LTAP1: variants seen among roughly 807,000 people sequenced by gnomAD.
LTAP1 encodes lipid transport auxiliary protein 1.
the LTAP1 span, chr1:154,214,422 T>C: frequency 2.9e-6 from 4 of 1,359,692 alleles, no homozygotes; most frequent in Non-Finnish European, 4.2e-6. Context: ...CTTGTGGGAC[T>C]CCTCACTGAA....
the LTAP1 span, chr1:154,220,539 G>A: frequency 1.1e-6 from 1 of 874,712 alleles, no homozygotes; most frequent in Non-Finnish European, 1.8e-6. Flanking sequence ...GGAAGACCAA[G>A]CCAGACCCGG....
At chr1:154,209,957 C>A in the LTAP1 span, among the ~76,000 whole-genome samples, 1 of 151,788 alleles carries the variant, frequency 6.6e-6, no homozygotes, top group Admixed American at 6.6e-5. Context: ...ATCTCCTGGG[C>A]TCAAGTAATC....
the LTAP1 span, chr1:154,207,771 T>G: frequency 2.1e-5 from 17 of 825,432 alleles, no homozygotes; most frequent in Admixed American, 8.7e-5. Context: ...CTGTCCTATT[T>G]TGTAAACTAG....
At chr1:154,209,869 C>T in the LTAP1 span, among the ~76,000 whole-genome samples, 3 of 151,888 alleles carry the variant, frequency 2.0e-5, no homozygotes, top group East Asian at 3.8e-4. Flanking sequence ...GGATTACAGG[C>T]GTGAGCCACC....
the LTAP1 span, among the ~76,000 whole-genome samples, chr1:154,211,546 A>C: frequency 0.03 from 4,535 of 150,962 alleles, 215 homozygotes; most frequent in African/African-American, 0.1. Flanking sequence ...CTTGTTGGCT[A>C]GGATGGTCTT....
chr1:154,210,965 C>G, the LTAP1 span, among the ~76,000 whole-genome samples: 1 of 152,046 alleles, frequency 6.6e-6, no homozygotes, highest in Non-Finnish European at 1.5e-5. Context: ...GACATGGTTA[C>G]TAATACTTTA....
At chr1:154,212,638 AG>A in the LTAP1 span, 1 of 1,613,452 alleles carries the variant, frequency 6.2e-7, no homozygotes, top group Non-Finnish European at 8.5e-7. Context: ...TGGAGAAAAC[AG>A]CACAATGATA....
chr1:154,212,459 CCT>C, the LTAP1 span: 10 of 1,614,122 alleles, frequency 6.2e-6, no homozygotes, highest in Non-Finnish European at 8.5e-6. Flanking sequence ...CTGGCTTACC[CCT>C]GTCCCATAGC....
the LTAP1 span, chr1:154,207,414 CT>C: frequency 3.1e-6 from 5 of 1,602,518 alleles, no homozygotes; most frequent in Non-Finnish European, 2.6e-6. Flanking sequence ...CACATTGCAA[CT>C]GACTGGCTTA....
the LTAP1 span, chr1:154,220,251 G>A: frequency 6.9e-7 from 1 of 1,455,014 alleles, no homozygotes; most frequent in Non-Finnish European, 9.7e-7. Flanking sequence ...GCAGGTGAGT[G>A]GGTGGAGAAT....
the LTAP1 span, chr1:154,220,386 G>T: frequency 6.2e-7 from 1 of 1,614,230 alleles, no homozygotes; most frequent in Non-Finnish European, 8.5e-7. Context: ...ACCCCGGAGA[G>T]CCAGTTACTG....
At chr1:154,220,161 C>CT in the LTAP1 span, 7 of 818,932 alleles carry the variant, frequency 8.5e-6, no homozygotes, top group African/African-American at 5.1e-5. Context: ...GGGTTCTAGA[C>CT]TAACGAGGGC....
At chr1:154,213,980 C>T in the LTAP1 span, 6 of 1,596,928 alleles carry the variant, frequency 3.8e-6, no homozygotes, top group South Asian at 5.5e-5. Context: ...AGGCATAACC[C>T]TAAAAATATT....
the LTAP1 span, chr1:154,207,400 C>T: frequency 1.3e-6 from 2 of 1,584,608 alleles, no homozygotes; most frequent in Non-Finnish European, 8.7e-7. Flanking sequence ...AGCAGCCTGT[C>T]TTGCACATTG....
the LTAP1 span, among the ~76,000 whole-genome samples, chr1:154,208,775 G>A: frequency 1.3e-5 from 2 of 152,162 alleles, no homozygotes; most frequent in African/African-American, 2.4e-5. Context: ...TTGAGATGGA[G>A]TCTTTTTCTC....
the LTAP1 span, chr1:154,219,704 C>T: frequency 2.8e-6 from 2 of 708,304 alleles, no homozygotes; most frequent in South Asian, 2.0e-5. Context: ...GCCTGCTCAA[C>T]TTAGTAAGTA....
At chr1:154,208,225 G>A in the LTAP1 span, among the ~76,000 whole-genome samples, 5 of 152,048 alleles carry the variant, frequency 3.3e-5, no homozygotes, top group Non-Finnish European at 7.4e-5. Flanking sequence ...GAAACAAAGT[G>A]AGACCCTATC....
At chr1:154,214,892 T>A in the LTAP1 span, among the ~76,000 whole-genome samples, 1 of 151,570 alleles carries the variant, frequency 6.6e-6, no homozygotes, top group African/African-American at 2.4e-5. Flanking sequence ...TCACCCAGGC[T>A]GGAGTGCAGT....
chr1:154,220,220 G>A, the LTAP1 span: 1 of 1,210,222 alleles, frequency 8.3e-7, no homozygotes, highest in Non-Finnish European at 1.2e-6. Context: ...CCTGGAATAA[G>A]GAGTCAAAGC....
Sources: allele counts gnomAD v4.1 joint callset (sites outside exome capture counted in the v4.1 genomes callset), GRCh38; gene constraint gnomAD v4.1.1; transcripts MANE v1.5; gene names NCBI Gene and HGNC (gene_info 2026-07-23, HGNC 2026-07-21).